Variants in FARP2 observed in about 807,000 individuals in gnomAD.
FARP2 encodes the protein FERM, ARH/RhoGEF and pleckstrin domain protein 2.
In FARP2, 111 loss-of-function variants were observed where a neutral mutation model predicts 130.5. The observed-to-expected ratio is 0.85, with a 90% CI of 0.73 to 1.00. FARP2 has a LOEUF of 1.00. Among genes scored for constraint, FARP2 ranks in the 50% least tolerant of loss-of-function variants. The probability of loss-of-function intolerance (pLI) is 0.00; values close to 1 mark genes in which losing one functional copy is unlikely to be tolerated. For synonymous variants in FARP2, 504 were observed against 516.9 expected (o/e 0.98, Z 0.34); for missense variants, 1,385 against 1,346.3 (o/e 1.03, Z -0.45).
intron 7 of FARP2, among the ~76,000 whole-genome samples, chr2:241,415,064 C>A (rs559441347): frequency 6.6e-6 from 1 of 152,316 alleles, no homozygotes; most frequent in Non-Finnish European, 1.5e-5. Context: ...TGTTTTACTC[C>A]ATTGTACATA....
At position 241,356,309 on chromosome 2, in the gene FARP2, C is replaced by G. The variant is rs982788395; in HGVS notation, c.-104C>G. The G allele has an allele frequency of 3.9e-5, 6 of 152,366 alleles. No individual in the cohort carries two copies. The highest frequency in any genetic ancestry group is 3.9e-4 in the East Asian group (2 of 5,192). 9.4% of individuals were successfully genotyped at this position (152,366 alleles called of 1,614,324 possible). ...CAGTTGGGAGCAGGCGACGCCGACG[C>G]GAGTCTGGCGGCTGCTGCTTGCGAC... On this transcript the variant is annotated 5_prime_UTR_variant, in exon 1 of 27. Transcript: ENST00000264042.
chr2:241,372,900 C>A (rs1272835483), intron 1 of FARP2, 184 bp from the exon 2 acceptor site: 1 of 351,420 alleles, frequency 2.8e-6, no homozygotes, highest in East Asian at 4.2e-5. Context: ...TTATGCTCCA[C>A]CTATGAGTGC....
At chr2:241,452,495 A>G (rs373579268) in intron 13 of FARP2, among the ~76,000 whole-genome samples, 1 of 152,216 alleles carries the variant, frequency 6.6e-6, no homozygotes, top group Non-Finnish European at 1.5e-5. Flanking sequence ...AAGGTTTGCT[A>G]TAGCTAACAT....
At chr2:241,490,173 C>T (rs554555450) in intron 22 of FARP2, 129 bp downstream of exon 22, 2 of 668,070 alleles carry the variant, frequency 3.0e-6, no homozygotes, top group South Asian at 3.5e-5. Context: ...CCCCCTTTGA[C>T]TCTGAGCTCT....
intron 18 of FARP2, chr2:241,471,462 T>C (rs2064302454): frequency 6.6e-6 from 1 of 151,444 alleles, no homozygotes; most frequent in Non-Finnish European, 1.5e-5. Flanking sequence ...GGGACCCTGT[T>C]CTGAGGGGGT....
At chr2:241,407,060 A>G (rs908149614) in intron 4 of FARP2, among the ~76,000 whole-genome samples, 17 of 150,118 alleles carry the variant, frequency 1.1e-4, no homozygotes, top group South Asian at 1.1e-3. Context: ...CGCCCCCCTC[A>G]GCCTCCCAAA....
At chr2:241,397,382 A>T (rs1575503336) in intron 2 of FARP2, among the ~76,000 whole-genome samples, 2 of 152,210 alleles carry the variant, frequency 1.3e-5, no homozygotes, top group East Asian at 3.8e-4. Context: ...GTTTTGGTGT[A>T]GTCCCCTTAG....
Position 241,403,299 on chromosome 2 carries a change from CCTT to C in FARP2, c.184-525_184-523del, listed in dbSNP as rs1287405262. Among the ~76,000 whole-genome samples the C allele has an allele frequency of 1.1e-4, 16 of 152,176 alleles. No individual in the cohort carries two copies. The East Asian group carries it at 2.3e-3, about 22-fold the overall frequency. Reference sequence around the variant, plus strand: ...GCACGATCATGGCTCACTGCAGCCTCCTTCTTGCAAGTTCAAGCAATCCTCACA... The same window carrying C: ...GCACGATCATGGCTCACTGCAGCCTCCTTGCAAGTTCAAGCAATCCTCACA... On this transcript the variant is annotated intron_variant, in intron 2 of 26. Transcript: ENST00000264042.
intron 19 of FARP2, among the ~76,000 whole-genome samples, chr2:241,476,274 C>A (rs1469522634): frequency 1.3e-5 from 2 of 150,420 alleles, no homozygotes; most frequent in Non-Finnish European, 3.0e-5. Context: ...GTGGTCCCAG[C>A]TACTCAGGAG....
chr2:241,464,502 C>A (rs2064116175), intron 17 of FARP2, among the ~76,000 whole-genome samples: 1 of 107,208 alleles, frequency 9.3e-6, no homozygotes, highest in South Asian at 2.6e-4. Flanking sequence ...CATCTCAGAA[C>A]AGGTTCCTAC....
intron 18 of FARP2, 49 bp downstream of exon 18, chr2:241,468,426 G>A (rs192068906): frequency 1.4e-6 from 2 of 1,464,480 alleles, no homozygotes; most frequent in East Asian, 2.3e-5. Context: ...TGCGTGGCTG[G>A]GAGGCAGGGG....
chr2:241,472,935 G>C (rs780332930), intron 18 of FARP2, among the ~76,000 whole-genome samples: 27 of 151,598 alleles, frequency 1.8e-4, no homozygotes, highest in Non-Finnish European at 3.5e-4. Context: ...TATTCTGAGG[G>C]GGATGCTATT....
At chr2:241,463,841 A>G in intron 16 of FARP2, 58 bp from the exon 17 acceptor site, 2 of 1,443,430 alleles carry the variant, frequency 1.4e-6, no homozygotes, top group Non-Finnish European at 1.9e-6. Context: ...GCGTCAGATT[A>G]CAGTGCCTTC....
At chr2:241,372,305 A>G (rs1188830739) in intron 1 of FARP2, among the ~76,000 whole-genome samples, 1 of 152,086 alleles carries the variant, frequency 6.6e-6, no homozygotes, top group Non-Finnish European at 1.5e-5. Context: ...GGGCCTGACC[A>G]GGGGCAGGTG....
At position 241,456,937 on chromosome 2, in the gene FARP2, G is replaced by T. The variant is rs550701381; in HGVS notation, c.1587+15G>T. ...CCAGACACAAGGTGGGCCCCTCGAG[G>T]CTGAGAAGCTAGCAGAGGGTTGCAG... On this transcript the variant is annotated intron_variant, in intron 14 of 26. Transcript: ENST00000264042. The T allele has an allele frequency of 1.9e-6, 3 of 1,571,510 alleles. No homozygotes were observed. In the South Asian group the frequency reaches 3.5e-5, roughly 18 times the overall value.
rs938301125 is a variant in FARP2 at position 241,468,344 on chromosome 2, A to G, written c.2098A>G (p.Ser700Gly). The change falls in exon 18 of 27, where the codon AGC (serine) becomes GGC (glycine). Residue 700 changes from serine (S) to glycine (G), a missense_variant. Ser to Gly is a moderately conservative substitution (Grantham distance 56). Coordinates refer to ENST00000264042, the MANE Select transcript of FARP2 (RefSeq NM_014808.4). ...LLLRRLCGHY[S>G]PGHHDYADCH... ...GCTGCGCCGCCTATGCGGACATTAC[A>G]GCCCCGGGCACCATGACTACGCTGA... The G allele has an allele frequency of 6.2e-7, 1 of 1,613,380 alleles. No homozygotes were observed. The highest frequency in any genetic ancestry group is 8.5e-7 in the Non-Finnish European group (1 of 1,179,992).
At chr2:241,404,622 G>T (rs561698923) in intron 3 of FARP2, among the ~76,000 whole-genome samples, 177 bp from the exon 4 acceptor site, 8 of 152,310 alleles carry the variant, frequency 5.3e-5, no homozygotes, top group African/African-American at 1.9e-4. Context: ...AGCAGGCATT[G>T]CTGTCCTTCT....
chr2:241,454,146 C>T (rs1244764893), intron 13 of FARP2, among the ~76,000 whole-genome samples: 1 of 151,986 alleles, frequency 6.6e-6, no homozygotes, highest in Non-Finnish European at 1.5e-5. Context: ...TGTTTGCAAC[C>T]CCAGCAGCGT....
At chr2:241,453,358 C>T (rs576737885) in intron 13 of FARP2, among the ~76,000 whole-genome samples, 96 of 151,526 alleles carry the variant, frequency 6.3e-4, no homozygotes, top group African/African-American at 2.2e-3. Context: ...CGCGGTGGCT[C>T]ATGCCTGTAA....
Sources: gnomAD v4.1 joint callset for allele counts (sites outside exome capture counted in the v4.1 genomes callset) on GRCh38, gnomAD v4.1.1 for gene constraint, MANE v1.5 for transcripts, NCBI Gene and HGNC (gene_info 2026-07-23, HGNC 2026-07-21) for gene names.